KDM6A: variants seen among roughly 807,000 people sequenced by gnomAD.
KDM6A encodes lysine demethylase 6A.
In KDM6A, 11 loss-of-function variants were observed where a neutral mutation model predicts 117.6. The observed-to-expected ratio is 0.09, with a 90% CI of 0.06 to 0.15. The LOEUF is 0.15. Ranked by LOEUF, KDM6A falls within the 10% of genes least tolerant of loss-of-function variation. KDM6A has a pLI of 1.00. For synonymous variants in KDM6A, 384 were observed against 396.1 expected (o/e 0.97, Z 0.36); for missense variants, 799 against 1,077.3 (o/e 0.74, Z 3.62).
chrX:44,972,784 C>G (rs1228933336), intron 3 of KDM6A, among the ~76,000 whole-genome samples: 2 of 111,226 alleles, frequency 1.8e-5, no homozygotes, highest in Admixed American at 1.9e-4. Flanking sequence ...ACCTGTAATC[C>G]CACACTTTGG....
At chrX:45,054,977 A>G (rs1006006795) in intron 10 of KDM6A, among the ~76,000 whole-genome samples, 1 of 111,418 alleles carries the variant, frequency 9.0e-6, no homozygotes, top group Admixed American at 9.5e-5. Flanking sequence ...TAAACATCCT[A>G]CAATGCGCAG....
chrX:44,899,623 G>A (rs776770415), intron 2 of KDM6A, among the ~76,000 whole-genome samples: 4 of 110,388 alleles, frequency 3.6e-5, no homozygotes, highest in African/African-American at 9.9e-5. Context: ...GTGGCAATAC[G>A]AAAACCCAGG....
At position 44,947,552 on chromosome X, in the gene KDM6A, A is replaced by AT. The variant is rs1256343810; in HGVS notation, c.226-13727dup. On this transcript the variant is annotated intron_variant, in intron 2 of 29. Coordinates refer to ENST00000611820, the MANE Select transcript of KDM6A (RefSeq NM_001291415.2). ...CACCACGCCCGACTAATTGTTTTATATTTTTAGTAGAGACAGGGTTTCACC... is the reference window on the plus strand; with the variant it reads ...CACCACGCCCGACTAATTGTTTTATATTTTTTAGTAGAGACAGGGTTTCACC... Among the ~76,000 whole-genome samples, 8 of 109,505 alleles carry AT rather than the reference A, an allele frequency of 7.3e-5. No individual in the cohort carries two copies. In the South Asian group the frequency reaches 2.4e-3, roughly 33 times the overall value.
chrX:45,079,583 G>A (rs912970473), intron 21 of KDM6A, among the ~76,000 whole-genome samples: 3 of 111,530 alleles, frequency 2.7e-5, no homozygotes, highest in Non-Finnish European at 5.6e-5. Context: ...TCCATCTGTC[G>A]CCTAGGCTAG....
intron 4 of KDM6A, among the ~76,000 whole-genome samples, chrX:44,980,288 G>A (rs890261006): frequency 9.0e-6 from 1 of 111,265 alleles, no homozygotes; most frequent in Admixed American, 9.6e-5. Flanking sequence ...GCCACCGCCC[G>A]CATCTGGCCC....
intron 2 of KDM6A, among the ~76,000 whole-genome samples, chrX:44,901,717 G>A (rs1419161289): frequency 9.0e-6 from 1 of 111,189 alleles, no homozygotes; most frequent in Admixed American, 9.6e-5. Flanking sequence ...AACAATTTTT[G>A]TCTCAAAGTG....
At chrX:45,092,501 G>A (rs2045932587) in intron 27 of KDM6A, among the ~76,000 whole-genome samples, 1 of 111,051 alleles carries the variant, frequency 9.0e-6, no homozygotes, top group Non-Finnish European at 1.9e-5. Context: ...CTGTCATTTG[G>A]TCCCAATTTC....
intron 2 of KDM6A, among the ~76,000 whole-genome samples, chrX:44,913,051 G>C (rs898846148): frequency 9.0e-6 from 1 of 111,286 alleles, no homozygotes; most frequent in Non-Finnish European, 1.9e-5. Context: ...AACTGCGTGG[G>C]CCCACTTACA....
intron 2 of KDM6A, among the ~76,000 whole-genome samples, chrX:44,895,228 C>G (rs1378853191): frequency 9.2e-6 from 1 of 108,859 alleles, no homozygotes; most frequent in Non-Finnish European, 1.9e-5. Context: ...GCCTCAACCT[C>G]CCAAGTAGCT....
chrX:44,884,308 G>A (rs1034909487), intron 2 of KDM6A, among the ~76,000 whole-genome samples: 1 of 109,954 alleles, frequency 9.1e-6, no homozygotes, highest in Non-Finnish European at 1.9e-5. Context: ...CAGGTGAAGT[G>A]ACATGACCAG....
chrX:45,039,542 T>G (rs1313323581), intron 8 of KDM6A, among the ~76,000 whole-genome samples: 1 of 81,027 alleles, frequency 1.2e-5, no homozygotes, highest in Non-Finnish European at 2.4e-5. Context: ...TGATCATTCT[T>G]GGGTGTTTCT....
At chrX:45,063,278 A>G (rs2044382474) in intron 16 of KDM6A, 144 bp from the exon 17 acceptor site, 2 of 537,059 alleles carry the variant, frequency 3.7e-6, no homozygotes, top group Non-Finnish European at 6.3e-6. Context: ...CTCAACTTAG[A>G]GAAATTAAGC....
At chrX:45,071,256 G>A (rs1602875419) in intron 18 of KDM6A, among the ~76,000 whole-genome samples, 1 of 111,859 alleles carries the variant, frequency 8.9e-6, no homozygotes. Context: ...TTTTTTGGTT[G>A]TAGATTGTCA....
intron 2 of KDM6A, among the ~76,000 whole-genome samples, chrX:44,879,482 C>A (rs1207838942): frequency 8.9e-6 from 1 of 112,264 alleles, no homozygotes; most frequent in African/African-American, 3.2e-5. Flanking sequence ...CTTAAGTACT[C>A]ATATTGAAAC....
At chrX:44,881,782 G>A (rs112311946) in intron 2 of KDM6A, among the ~76,000 whole-genome samples, 4,438 of 107,766 alleles carry the variant, frequency 0.041, 84 homozygotes, top group Middle Eastern at 0.077. Context: ...CCGTCTCCAG[G>A]GTTCGAGCGA....
intron 2 of KDM6A, among the ~76,000 whole-genome samples, chrX:44,878,365 C>CA (rs1181538995): frequency 1.8e-5 from 2 of 111,325 alleles, no homozygotes; most frequent in African/African-American, 3.3e-5. Flanking sequence ...GAGCCTGTCT[C>CA]AAAAAACAAA....
intron 2 of KDM6A, among the ~76,000 whole-genome samples, chrX:44,890,291 A>G (rs1434998464): frequency 8.9e-6 from 1 of 112,045 alleles, no homozygotes; most frequent in Non-Finnish European, 1.9e-5. Context: ...TTCTTTAATC[A>G]TTTACCCTTT....
At position 45,063,832 on chromosome X, in the gene KDM6A, A is replaced by C; in HGVS notation, c.2079+15A>C. ...ACTCCACTCAGGTAATAGGAGGACT[A>C]GCTTCCTTGTTGGCTTTTCACATAA... On this transcript the variant is annotated intron_variant, in intron 17 of 29. Coordinates refer to ENST00000611820, the MANE Select transcript of KDM6A (RefSeq NM_001291415.2). The C allele has an allele frequency of 8.5e-7, 1 of 1,176,229 alleles. No homozygotes were observed. Among genetic ancestry groups the C allele is most frequent in the Non-Finnish European group, 1.1e-6 (1 of 872,746 alleles).
chrX:45,086,626 T>G (rs1411026204), intron 25 of KDM6A, among the ~76,000 whole-genome samples: 1 of 111,683 alleles, frequency 9.0e-6, no homozygotes, highest in African/African-American at 3.3e-5. Context: ...TGAAAGAACT[T>G]GGATAGTTCC....
Sources: allele counts gnomAD v4.1 joint callset (sites outside exome capture counted in the v4.1 genomes callset), GRCh38; gene constraint gnomAD v4.1.1; transcripts MANE v1.5; gene names NCBI Gene and HGNC (gene_info 2026-07-23, HGNC 2026-07-21).